The following IL1RAPL2 variants were observed in gnomAD, a reference collection of about 807,000 sequenced individuals.
The protein encoded by IL1RAPL2 is X-linked interleukin-1 receptor accessory protein-like 2.
Under a neutral mutation model 44.1 loss-of-function variants are expected in IL1RAPL2, and 3 were observed. That is an observed-to-expected ratio of 0.07 (90% CI 0.03 to 0.18). The LOEUF is 0.18. IL1RAPL2 is among the 10% of genes least tolerant of loss of function. The probability of loss-of-function intolerance (pLI) is 1.00; values close to 1 mark genes in which losing one functional copy is unlikely to be tolerated. For synonymous variants in IL1RAPL2, 181 were observed against 178.8 expected, an observed-to-expected ratio of 1.01 and a Z score of -0.10; for missense variants, 391 against 496.4, an observed-to-expected ratio of 0.79 and a Z score of 2.02.
chrX:105,012,691 A>AGAG (rs2031085162), intron 2 of IL1RAPL2, among the ~76,000 whole-genome samples: 8 of 105,204 alleles, frequency 7.6e-5, no homozygotes, highest in Admixed American at 2.1e-4. Context: ...AGAGAGAGAG[A>AGAG]ATAATAAAAT....
chrX:104,652,022 G>A (rs910406287), intron 1 of IL1RAPL2, among the ~76,000 whole-genome samples: 2 of 112,083 alleles, frequency 1.8e-5, no homozygotes, highest in South Asian at 3.7e-4. Context: ...AGACTGGAAG[G>A]GAGGTAAAGC....
At chrX:105,740,748 T>G in intron 8 of IL1RAPL2, 57 bp downstream of exon 8, 1 of 1,051,383 alleles carries the variant, frequency 9.5e-7, no homozygotes. Flanking sequence ...ACTATTGAAG[T>G]TAGAGATATT....
chrX:104,604,841 A>G (rs1326914040), intron 1 of IL1RAPL2, among the ~76,000 whole-genome samples: 1 of 110,745 alleles, frequency 9.0e-6, no homozygotes, highest in Non-Finnish European at 1.9e-5. Context: ...AGAATTACAA[A>G]GAGACTTAGA....
At chrX:104,663,735 T>C (rs1030215349) in intron 2 of IL1RAPL2, among the ~76,000 whole-genome samples, 3 of 104,931 alleles carry the variant, frequency 2.9e-5, no homozygotes, top group African/African-American at 1.0e-4. Context: ...TATAGGACAA[T>C]GTTTGGAGTA....
chrX:105,379,723 A>AC (rs2035415551), intron 5 of IL1RAPL2, among the ~76,000 whole-genome samples: 1 of 111,839 alleles, frequency 8.9e-6, no homozygotes, highest in African/African-American at 3.2e-5. Context: ...GGAGATAACA[A>AC]CTACTCCATG....
chrX:105,374,623 G>T (rs1179157516), intron 5 of IL1RAPL2, among the ~76,000 whole-genome samples: 1 of 110,896 alleles, frequency 9.0e-6, no homozygotes. Flanking sequence ...TTGTATTCCT[G>T]ATTTGGCTTT....
intron 6 of IL1RAPL2, among the ~76,000 whole-genome samples, chrX:105,544,415 TTC>T (rs762991981): frequency 4.7e-4 from 52 of 111,556 alleles, no homozygotes; most frequent in African/African-American, 1.5e-3. Context: ...CTTTTGATTC[TTC>T]TCTTTTTTTT....
At chrX:104,975,779 G>C (rs894912982) in intron 2 of IL1RAPL2, among the ~76,000 whole-genome samples, 36 of 111,847 alleles carry the variant, frequency 3.2e-4, no homozygotes, top group Non-Finnish European at 1.7e-4. Flanking sequence ...TTATTTTCCT[G>C]GGCAGTGTGG....
chrX:105,129,025 A>G (rs1040774215), intron 2 of IL1RAPL2, among the ~76,000 whole-genome samples: 36 of 111,256 alleles, frequency 3.2e-4, no homozygotes, highest in Admixed American at 9.6e-5. Flanking sequence ...TCCAACTGAG[A>G]GTATATCTCT....
intron 2 of IL1RAPL2, among the ~76,000 whole-genome samples, chrX:104,872,260 G>A (rs1922784720): frequency 8.9e-6 from 1 of 111,969 alleles, no homozygotes; most frequent in South Asian, 3.7e-4. Flanking sequence ...CTTATCTTAG[G>A]TGATGAGGAT....
chrX:104,577,652 G>A (rs1218027590), intron 1 of IL1RAPL2, among the ~76,000 whole-genome samples: 2 of 111,069 alleles, frequency 1.8e-5, no homozygotes, highest in Non-Finnish European at 3.8e-5. Flanking sequence ...TGGTTGTGAG[G>A]TGGGAAGAAA....
intron 2 of IL1RAPL2, among the ~76,000 whole-genome samples, chrX:105,073,076 G>C (rs959627687): frequency 1.9e-5 from 2 of 105,532 alleles, no homozygotes; most frequent in East Asian, 6.0e-4. Context: ...TAAGTTTTAG[G>C]ATATATGTGC....
At chrX:105,456,611 G>T (rs1028134933) in intron 5 of IL1RAPL2, among the ~76,000 whole-genome samples, 2 of 111,100 alleles carry the variant, frequency 1.8e-5, no homozygotes, top group Non-Finnish European at 3.8e-5. Flanking sequence ...TGTTTATGCT[G>T]CTCTTTTCTT....
intron 2 of IL1RAPL2, among the ~76,000 whole-genome samples, chrX:104,784,082 C>G (rs768492397): frequency 2.7e-5 from 3 of 111,905 alleles, no homozygotes; most frequent in South Asian, 7.5e-4. Flanking sequence ...AATATAATCC[C>G]TGTTTTAGTC....
intron 6 of IL1RAPL2, among the ~76,000 whole-genome samples, chrX:105,673,722 T>C (rs774931053): frequency 6.2e-5 from 7 of 112,184 alleles, no homozygotes; most frequent in South Asian, 3.7e-4. Flanking sequence ...TTTCTGGTTC[T>C]AGATCTTTGA....
At chrX:104,827,764 A>G (rs1921494734) in intron 2 of IL1RAPL2, among the ~76,000 whole-genome samples, 1 of 111,868 alleles carries the variant, frequency 8.9e-6, no homozygotes, top group Non-Finnish European at 1.9e-5. Flanking sequence ...AAGTATACCA[A>G]TCAAACGTAG....
intron 2 of IL1RAPL2, among the ~76,000 whole-genome samples, chrX:105,042,012 C>T (rs1285469711): frequency 9.0e-6 from 1 of 110,846 alleles, no homozygotes; most frequent in African/African-American, 3.3e-5. Context: ...GCTGGGAAAA[C>T]TGGCTAGCCA....
At chrX:105,708,456 A>T in intron 6 of IL1RAPL2, among the ~76,000 whole-genome samples, 1 of 111,657 alleles carries the variant, frequency 9.0e-6, no homozygotes, top group East Asian at 2.8e-4. Flanking sequence ...TTTTTTCCAA[A>T]CTTGTACAGC....
intron 2 of IL1RAPL2, among the ~76,000 whole-genome samples, chrX:104,727,940 A>C (rs1190114584): frequency 9.0e-6 from 1 of 110,501 alleles, no homozygotes; most frequent in Non-Finnish European, 1.9e-5. Flanking sequence ...GGAATAATAG[A>C]TATTGGAGAC....
Sources: gnomAD v4.1 joint callset for allele counts (sites outside exome capture counted in the v4.1 genomes callset) on GRCh38, gnomAD v4.1.1 for gene constraint, MANE v1.5 for transcripts, NCBI Gene and HGNC (gene_info 2026-07-23, HGNC 2026-07-21) for gene names.